The following AKAP10 variants were observed in gnomAD, a reference collection of about 807,000 sequenced individuals.
AKAP10 encodes A-kinase anchor protein 10, mitochondrial.
Under a neutral mutation model 80.8 loss-of-function variants are expected in AKAP10, and 24 were observed. The observed-to-expected ratio is 0.30, with a 90% CI of 0.22 to 0.42. AKAP10 has a LOEUF of 0.42. AKAP10 is among the 10% of genes least tolerant of loss of function. The pLI, the probability that AKAP10 is intolerant of heterozygous loss-of-function variation, is 1.00. For missense variants in AKAP10, 661 were observed against 794.9 expected (o/e 0.83, Z 2.03); for synonymous variants, 291 against 277.7 (o/e 1.05, Z -0.48).
At position 19,931,824 on chromosome 17, in the gene AKAP10, G is replaced by C. The variant is rs775697804; in HGVS notation, c.1622C>G (p.Ser541Cys). 6.2e-6 allele frequency: 10 copies of C among 1,613,458 alleles called. No individual in the cohort carries two copies. Among genetic ancestry groups the C allele is most frequent in the African/African-American group, 2.7e-5 (2 of 74,868 alleles). ...CAATACCTGAGACGCAGAGCTGTCA[G>C]AACTCCCTGGGTGAGACTCATCAGG... The part of the protein sequence containing the change: ...GPPDESHPGS[S>C]DSSASQSSVK... Residue 541 changes from serine (S) to cysteine (C), a missense_variant, in exon 10 of 15, where the codon TCT (serine) becomes TGT (cysteine). Coordinates refer to ENST00000225737, the MANE Select transcript of AKAP10 (RefSeq NM_007202.4).
intron 5 of AKAP10, among the ~76,000 whole-genome samples, chr17:19,942,373 G>A (rs2043059152): frequency 6.6e-6 from 1 of 151,984 alleles, no homozygotes; most frequent in Non-Finnish European, 1.5e-5. Flanking sequence ...TTAGAATAAG[G>A]AGGCACTACA....
chr17:19,939,751 T>C lies in AKAP10; in HGVS notation c.1284A>G (p.Gly428=), dbSNP rs752460833. ...QLAAKKGQYD[G]QEAQNDAMIL... is the part of the protein sequence containing the mutation. ...TCATGGCATCATTCTGTGCCTCCTG[T>C]CCATCATATTGGCCCTTTTTGGCAG... Residue 428 remains glycine (G), a synonymous_variant, in exon 8 of 15, where the codon GGA becomes GGG. Transcript: ENST00000225737. 6.2e-7 allele frequency: 1 copy of C among 1,614,034 alleles called. No individual in the cohort carries two copies.
chr17:19,968,413 C>G lies in AKAP10; in HGVS notation c.136+1G>C. 1 of 1,613,172 alleles carries G rather than the reference C, an allele frequency of 6.2e-7. No homozygotes were observed. The highest frequency in any genetic ancestry group is 8.5e-7 in the Non-Finnish European group (1 of 1,179,460). On this transcript the variant is annotated splice_donor_variant, in intron 2 of 14. Transcript: ENST00000225737. LOFTEE classifies it high-confidence loss of function. ...AGTGGACTGCCAAGGGCAGAACTTA[C>G]CTTTAATGGACTTCACATCTGAGGT...
intron 4 of AKAP10, among the ~76,000 whole-genome samples, chr17:19,957,249 TA>T (rs1260669092): frequency 6.6e-6 from 1 of 151,480 alleles, no homozygotes; most frequent in Admixed American, 6.6e-5. Context: ...CATGTGTAAA[TA>T]AGATAATCAG....
intron 12 of AKAP10, among the ~76,000 whole-genome samples, chr17:19,919,758 G>A (rs1302628823): frequency 1.3e-5 from 2 of 151,964 alleles, no homozygotes; most frequent in Non-Finnish European, 2.9e-5. Flanking sequence ...AACTTAGGTC[G>A]GGTATTTTGC....
At chr17:19,916,454 G>A (rs2042743096) in intron 12 of AKAP10, among the ~76,000 whole-genome samples, 1 of 152,182 alleles carries the variant, frequency 6.6e-6, no homozygotes, top group South Asian at 2.1e-4. Flanking sequence ...AGAACGAGCA[G>A]AGATAGTGGT....
At chr17:19,926,458 G>A (rs537998474) in intron 10 of AKAP10, among the ~76,000 whole-genome samples, 1 of 152,130 alleles carries the variant, frequency 6.6e-6, no homozygotes, top group African/African-American at 2.4e-5. Flanking sequence ...TCATTGCTCT[G>A]TAAGTTCTAG....
chr17:19,932,691 C>T (rs1015402808), intron 9 of AKAP10, among the ~76,000 whole-genome samples: 1 of 151,938 alleles, frequency 6.6e-6, no homozygotes, highest in Non-Finnish European at 1.5e-5. Context: ...CGTGTGATTG[C>T]TGAGTTAAAT....
At chr17:19,934,279 G>A (rs1340049176) in intron 9 of AKAP10, among the ~76,000 whole-genome samples, 2 of 152,126 alleles carry the variant, frequency 1.3e-5, no homozygotes, top group African/African-American at 2.4e-5. Context: ...CCCAAAACTA[G>A]GGTTCCAATC....
In AKAP10 at chr17:19,905,028, A is replaced by AT. The variant is rs1477386247; in HGVS notation, c.*1198dup. The AT allele has an allele frequency of 0.028, 3,722 of 135,220 alleles. 111 individuals are homozygous for AT. Among genetic ancestry groups the AT allele is most frequent in the African/African-American group, 0.083 (2,844 of 34,470 alleles). 8.4% of individuals were successfully genotyped at this position (135,220 alleles called of 1,614,324 possible). A position where few individuals can be genotyped will look rare whatever the true frequency, so the allele number is the denominator to read the frequency against. The stretch of plus-strand genomic sequence containing the variant: ...ATTATATATTTATACATATATATAT[A>AT]TATTTTTTTTTTTGCAAAGTCTGAG... On this transcript the variant is annotated 3_prime_UTR_variant, in exon 15 of 15. Coordinates refer to ENST00000225737, the MANE Select transcript of AKAP10 (RefSeq NM_007202.4).
intron 10 of AKAP10, among the ~76,000 whole-genome samples, chr17:19,927,441 G>A (rs184046423): frequency 2.6e-4 from 40 of 152,212 alleles, no homozygotes; most frequent in Non-Finnish European, 2.4e-4. Context: ...TTTGATAAGG[G>A]ACATTTATCT....
Position 19,941,855 on chromosome 17 carries a change from C to T in AKAP10, c.1032G>A (p.Gln344=). 6.2e-7 allele frequency: 1 copy of T among 1,609,884 alleles called. No individual in the cohort carries two copies. The highest frequency in any genetic ancestry group is 1.7e-5 in the Admixed American group (1 of 59,312). The change falls in exon 6 of 15, where the codon CAG becomes CAA. Residue 344 remains glutamine (Q), a synonymous_variant. Coordinates refer to ENST00000225737, the MANE Select transcript of AKAP10 (RefSeq NM_007202.4). ...GCTCCATTGCACTAAAGACTATGGA[C>T]TGTGCCAAAACGAAACAGTTGGGAT... ...QVDPNCFVLA[Q]SIVFSAMEQE...
rs748321052 is a variant in AKAP10, at chr17:19,931,994, A to G, written c.1468-16T>C. ...GCAAAAAGACCTGATAGAGATGAAA[A>G]GCATTATTTTAAAGTTGAAATCAAA... On this transcript the variant is annotated splice_polypyrimidine_tract_variant and intron_variant, in intron 9 of 14. Coordinates refer to ENST00000225737, the MANE Select transcript of AKAP10 (RefSeq NM_007202.4). The G allele has an allele frequency of 1.3e-6, 2 of 1,597,114 alleles. No individual in the cohort carries two copies. The highest frequency in any genetic ancestry group is 2.3e-5 in the South Asian group (2 of 88,426).
At chr17:19,942,154 AACAAAAT>A (rs1187425703) in intron 5 of AKAP10, among the ~76,000 whole-genome samples, 1 of 152,232 alleles carries the variant, frequency 6.6e-6, no homozygotes, top group Non-Finnish European at 1.5e-5. Flanking sequence ...ACCCTCCAAA[AACAAAAT>A]ACAAAGGCAA....
intron 5 of AKAP10, among the ~76,000 whole-genome samples, chr17:19,943,900 C>A (rs2043076097): frequency 1.3e-5 from 2 of 151,978 alleles, no homozygotes. Context: ...CAATCATCTG[C>A]AGAATTGGTA....
At chr17:19,917,822 C>T (rs2152410526) in intron 12 of AKAP10, among the ~76,000 whole-genome samples, 1 of 152,062 alleles carries the variant, frequency 6.6e-6, no homozygotes, top group Middle Eastern at 3.4e-3. Context: ...ACTTGGGAGG[C>T]TGAGGCAGAA....
chr17:19,947,372 A>ATTT, intron 5 of AKAP10, 35 bp downstream of exon 5: 1 of 1,295,922 alleles, frequency 7.7e-7, no homozygotes, highest in Non-Finnish European at 1.1e-6. Flanking sequence ...ATTTTTTGTC[A>ATTT]TTTTTTTTTT....
At chr17:19,929,480 A>AG (rs1161116785) in intron 10 of AKAP10, 1 of 152,172 alleles carries the variant, frequency 6.6e-6, no homozygotes, top group Non-Finnish European at 1.5e-5. Context: ...AGTGAATGGA[A>AG]GGGGCCCAAG....
intron 5 of AKAP10, among the ~76,000 whole-genome samples, chr17:19,946,105 G>GTA (rs56812794): frequency 3.9e-3 from 504 of 128,804 alleles, no homozygotes; most frequent in South Asian, 4.7e-3. Flanking sequence ...TTTTATTCTA[G>GTA]TATATATATA....
Sources: allele counts gnomAD v4.1 joint callset (sites outside exome capture counted in the v4.1 genomes callset), GRCh38; gene constraint gnomAD v4.1.1; transcripts MANE v1.5; gene names NCBI Gene and HGNC (gene_info 2026-07-23, HGNC 2026-07-21).